The following ZNF420 variants were observed in gnomAD, a reference collection of about 807,000 sequenced individuals.
ZNF420 encodes the protein zinc finger protein 420.
A neutral mutation model predicts 44.7 loss-of-function variants in ZNF420; 31 were observed. The ratio of observed to expected loss-of-function variants is 0.69; its 90% CI spans 0.52 to 0.94. The LOEUF is 0.94. ZNF420 is among the 40% of genes least tolerant of loss of function. ZNF420 has a pLI of 0.00. For missense variants in ZNF420, 681 were observed against 827.9 expected (o/e 0.82, Z 2.18); for synonymous variants, 245 against 267.4 (o/e 0.92, Z 0.82).
intron 2 of ZNF420, among the ~76,000 whole-genome samples, chr19:37,088,793 T>C (rs1296241424): frequency 6.6e-6 from 1 of 152,240 alleles, no homozygotes; most frequent in Non-Finnish European, 1.5e-5. Context: ...TTGACATCTA[T>C]AGATGTGTCG....
intron 4 of ZNF420, among the ~76,000 whole-genome samples, chr19:37,123,614 T>TTTC (rs894609215): frequency 1.5e-5 from 2 of 137,456 alleles, no homozygotes; most frequent in Non-Finnish European, 3.1e-5. Context: ...TTTTTTTTTT[T>TTTC]TTTTTTTTGA....
intron 4 of ZNF420, among the ~76,000 whole-genome samples, chr19:37,117,205 A>G (rs1970742841): frequency 6.6e-6 from 1 of 152,204 alleles, no homozygotes; most frequent in African/African-American, 2.4e-5. Context: ...GGCACCCCCC[A>G]GTAGGGGCAG....
At position 37,129,420 on chromosome 19, in the gene ZNF420, C is replaced by A; in HGVS notation, c.*362C>A. On this transcript the variant is annotated 3_prime_UTR_variant, in exon 5 of 5. Coordinates refer to ENST00000337995, the MANE Select transcript of ZNF420 (RefSeq NM_144689.5). ...TTTAAGATAGACCTAAGTATATTAC[C>A]TTTATTGTAAGATTCTTGGAAGTAT... The A allele has an allele frequency of 5.2e-6, 1 of 192,042 alleles. No homozygotes were observed. Among genetic ancestry groups the A allele is most frequent in the Non-Finnish European group, 1.1e-5 (1 of 92,806 alleles). 11.9% of individuals were successfully genotyped at this position (192,042 alleles called of 1,614,324 possible).
At chr19:37,038,152 A>G (rs1967391043) in intron 1 of ZNF420, among the ~76,000 whole-genome samples, 1 of 152,178 alleles carries the variant, frequency 6.6e-6, no homozygotes, top group Admixed American at 6.5e-5. Context: ...AGTTGTGTTT[A>G]CACTATTGTA....
intron 1 of ZNF420, among the ~76,000 whole-genome samples, chr19:37,035,918 A>G (rs1335221420): frequency 6.6e-6 from 1 of 152,212 alleles, no homozygotes; most frequent in Non-Finnish European, 1.5e-5. Context: ...TGTGAAAGGA[A>G]TGACACTGAG....
intron 1 of ZNF420, among the ~76,000 whole-genome samples, chr19:37,057,009 GA>G (rs1967767621): frequency 6.6e-6 from 1 of 152,276 alleles, no homozygotes; most frequent in South Asian, 2.1e-4. Context: ...GCGCATGCGC[GA>G]AGCGCCAGCC....
rs188672490 is a variant in ZNF420, at chr19:37,008,435, G to A, written c.-125+353G>A. Among the ~76,000 whole-genome samples, 766 of 152,286 alleles carry A rather than the reference G, an allele frequency of 5.0e-3. 10 individuals carry two copies. Among genetic ancestry groups the A allele is most frequent in the African/African-American group, 0.017 (716 of 41,556 alleles). ...ATCTCTGCCTGGGTCATGTGGAGAT[G>A]CTTCGGACCCAGAGGAATTGAAATC... is the stretch of plus-strand genomic sequence containing the variant. On this transcript the variant is annotated intron_variant, in intron 1 of 4. Coordinates refer to the ZNF420 transcript ENST00000587029.
intron 2 of ZNF420, among the ~76,000 whole-genome samples, chr19:37,082,886 T>C (rs947496511): frequency 3.3e-5 from 5 of 152,254 alleles, no homozygotes; most frequent in African/African-American, 1.2e-4. Flanking sequence ...GTTTTAAAAT[T>C]ACATAACATA....
In ZNF420 at chr19:37,129,098, GGTT is replaced by G. The variant is rs1971526216; in HGVS notation, c.*44_*46del. 2 of 1,565,926 alleles carry G rather than the reference GGTT, an allele frequency of 1.3e-6. No homozygotes were observed. The highest frequency in any genetic ancestry group is 1.8e-5 in the Admixed American group (1 of 55,320). The stretch of plus-strand genomic sequence containing the variant: ...TGAGATCACTATGAAGAGGTTCTCT[GGTT>G]GTTAGCAGCAAAGAATTCTCACAAA... On this transcript the variant is annotated 3_prime_UTR_variant, in exon 5 of 5. Coordinates refer to ENST00000337995, the MANE Select transcript of ZNF420 (RefSeq NM_144689.5).
intron 1 of ZNF420, among the ~76,000 whole-genome samples, chr19:37,043,560 C>T (rs370863127): frequency 2.0e-5 from 3 of 152,034 alleles, no homozygotes; most frequent in African/African-American, 7.2e-5. Context: ...TTTTGCTCTT[C>T]TTGCCCAGGC....
intron 1 of ZNF420, among the ~76,000 whole-genome samples, chr19:37,021,697 G>A (rs1380201639): frequency 6.6e-6 from 1 of 151,944 alleles, no homozygotes; most frequent in African/African-American, 2.4e-5. Context: ...TCAGCACTTT[G>A]GGAGGCCAAG....
exon 1 of ZNF420, chr19:37,008,077 G>A (rs2074541882): frequency 3.7e-6 from 1 of 271,514 alleles, no homozygotes; most frequent in East Asian, 1.1e-4. Flanking sequence ...CCCGGACGGT[G>A]TGCGGGTGAG....
intron 1 of ZNF420, among the ~76,000 whole-genome samples, chr19:37,015,311 T>TG (rs1284874468): frequency 6.6e-6 from 1 of 151,966 alleles, no homozygotes; most frequent in Non-Finnish European, 1.5e-5. Context: ...CTCGGAGAAG[T>TG]GGGGGGCTGG....
chr19:37,046,200 G>A (rs1967539686), intron 1 of ZNF420, among the ~76,000 whole-genome samples: 1 of 152,130 alleles, frequency 6.6e-6, no homozygotes, highest in African/African-American at 2.4e-5. Flanking sequence ...GGATCAACAA[G>A]ATCATCTCAA....
chr19:37,029,436 A>G (rs752033091), intron 1 of ZNF420, among the ~76,000 whole-genome samples: 2 of 152,210 alleles, frequency 1.3e-5, no homozygotes, highest in Admixed American at 6.5e-5. Context: ...TAAAAATGTT[A>G]AGTAACCTTT....
At chr19:37,053,642 C>T (rs1255219656) in intron 1 of ZNF420, among the ~76,000 whole-genome samples, 1 of 152,174 alleles carries the variant, frequency 6.6e-6, no homozygotes, top group African/African-American at 2.4e-5. Context: ...CCCTGTTTGC[C>T]TGGGTATCAG....
chr19:37,122,480 G>A (rs893531271), intron 4 of ZNF420, among the ~76,000 whole-genome samples: 4 of 151,554 alleles, frequency 2.6e-5, no homozygotes, highest in African/African-American at 9.7e-5. Flanking sequence ...GGGGGAGGCG[G>A]GAGGGATAGC....
intron 1 of ZNF420, among the ~76,000 whole-genome samples, chr19:37,037,272 A>G (rs1170782054): frequency 1.3e-5 from 2 of 152,200 alleles, no homozygotes; most frequent in East Asian, 1.9e-4. Context: ...GGGCCGGGGT[A>G]CAGTCAGTGG....
rs1018225687 is a variant in ZNF420, at chr19:37,130,221, G to A, written c.*1163G>A. 45 of 1,547,504 alleles carry A rather than the reference G, an allele frequency of 2.9e-5. No homozygotes were observed. Among genetic ancestry groups the A allele is most frequent in the Middle Eastern group, 3.3e-4 (2 of 5,974 alleles). Reference sequence around the variant, plus strand: ...GGATCATGGAGCAGAAATACAGAAGGAGTCTGCAACCCTGATGACTTTGTG... The same window carrying A: ...GGATCATGGAGCAGAAATACAGAAGAAGTCTGCAACCCTGATGACTTTGTG... On this transcript the variant is annotated 3_prime_UTR_variant, in exon 5 of 5. Coordinates refer to ENST00000337995, the MANE Select transcript of ZNF420 (RefSeq NM_144689.5).
Sources: allele counts gnomAD v4.1 joint callset (sites outside exome capture counted in the v4.1 genomes callset), GRCh38; gene constraint gnomAD v4.1.1; transcripts MANE v1.5; gene names NCBI Gene and HGNC (gene_info 2026-07-23, HGNC 2026-07-21).